Variants in IGFALS observed in about 807,000 individuals in gnomAD.
The protein encoded by IGFALS is insulin-like growth factor-binding protein complex acid labile subunit.
A neutral mutation model predicts 2.6 loss-of-function variants in IGFALS; 2 were observed. The ratio of observed to expected loss-of-function variants is 0.77; its 90% confidence interval spans 0.32 to 2.44. The LOEUF (loss-of-function observed/expected upper bound fraction) is 2.44, where lower values mean the gene tolerates loss of function less well. Ranked by LOEUF, IGFALS falls within the 30% of genes most tolerant of loss-of-function variation. The pLI is 0.11. For synonymous variants in IGFALS, 519 were observed against 431.9 expected (o/e 1.20, Z -2.50); for missense variants, 996 against 848.7 (o/e 1.17, Z -2.16).
At chr16:1,793,366 C>T (rs951772081) in intron 1 of IGFALS, among the ~76,000 whole-genome samples, 1 of 152,118 alleles carries the variant, frequency 6.6e-6, no homozygotes, top group African/African-American at 2.4e-5. Flanking sequence ...CTGAAGGGTC[C>T]GGCCTGCACC....
rs1404534998 is a variant in IGFALS at position 1,793,648 on chromosome 16, G to T, written c.5C>A (p.Ala2Asp). The change falls in exon 1 of 2, where the codon GCC becomes GAC. Residue 2 changes from alanine (A) to aspartate (D), a missense_variant. By Grantham distance (126) the Ala-to-Asp change is moderately radical (BLOSUM62 -2). Coordinates refer to ENST00000215539, the MANE Select transcript of IGFALS (RefSeq NM_004970.3). M[A>D]LRKGGLALAL... ...CTCGGGGGCCTCACCTTTCCTCAGG[G>T]CCATCCTGCATGCAGGGCAGGCTGC... The T allele has an allele frequency of 6.3e-7, 1 of 1,596,826 alleles. No homozygotes were observed. The highest frequency in any genetic ancestry group is 8.5e-7 in the Non-Finnish European group (1 of 1,171,670).
Position 1,791,882 on chromosome 16 carries a change from C to T in IGFALS, c.536G>A (p.Trp179Ter). ...ATCGGGGAGCACCGCCAGGCTATTC[C>T]AGCCGAGGTTGAGGTCCCAGAGGCT... ...LGSLWDLNLG[W>*]NSLAVLPDAA... Residue 179 changes from tryptophan (W) to a stop codon, truncating the protein, a stop_gained, in exon 2 of 2, where the codon TGG becomes TAG. Coordinates refer to ENST00000215539, the MANE Select transcript of IGFALS (RefSeq NM_004970.3). LOFTEE classifies it low-confidence loss of function (END_TRUNC). The T allele has an allele frequency of 6.4e-7, 1 of 1,564,968 alleles. No individual in the cohort carries two copies. The highest frequency in any genetic ancestry group is 8.7e-7 in the Non-Finnish European group (1 of 1,155,884).
At position 1,791,503 on chromosome 16, in the gene IGFALS, C is replaced by G. The variant is rs374863997; in HGVS notation, c.915G>C (p.Leu305=). The change falls in exon 2 of 2, where the codon CTG becomes CTC. Residue 305 remains leucine, a synonymous_variant. Coordinates refer to ENST00000215539, the MANE Select transcript of IGFALS (RefSeq NM_004970.3). Reference sequence around the variant, plus strand: ...GCAGGTCCTTGAAGGTGCGGGGCCGCAGGCTGGCGATGGCGTTGTGGGACA... The same window carrying G: ...GCAGGTCCTTGAAGGTGCGGGGCCGGAGGCTGGCGATGGCGTTGTGGGACA... ...LRLSHNAIAS[L]RPRTFKDLHF... 15 of 1,607,938 alleles carry G rather than the reference C, an allele frequency of 9.3e-6. No individual in the cohort carries two copies. In the African/African-American group the frequency reaches 1.7e-4, roughly 19 times the overall value.
Position 1,790,975 on chromosome 16 carries a change from C to T in IGFALS, c.1443G>A (p.Leu481=). ...AGACGTCCAGCCAGAAGGCCCGCTG[C>T]AGGGGGCCCAGGGCGTCCGCCGGCA... The part of the protein sequence containing the change: ...AELPADALGP[L]QRAFWLDVSH... The change falls in exon 2 of 2, where the codon CTG becomes CTA. Residue 481 remains leucine, a synonymous_variant. Coordinates refer to ENST00000215539, the MANE Select transcript of IGFALS (RefSeq NM_004970.3). The T allele has an allele frequency of 6.3e-7, 1 of 1,597,108 alleles. No homozygotes were observed.
chr16:1,791,749 C>T lies in IGFALS; in HGVS notation c.669G>A (p.Leu223=), dbSNP rs751008619. The stretch of plus-strand genomic sequence containing the variant: ...CCCGCAGCGCGTTCCTGCTCAGGTC[C>T]AGCTCCCGGAGCTCGGCCAGGCCGC... The part of the protein sequence containing the change: ...LFSGLAELRE[L]DLSRNALRAI... The change falls in exon 2 of 2, where the codon CTG becomes CTA. Residue 223 remains leucine, a synonymous_variant. Transcript: ENST00000215539. The T allele has an allele frequency of 6.4e-7, 1 of 1,551,528 alleles. No individual in the cohort carries two copies.
chr16:1,793,127 G>C (rs1487523065), intron 1 of IGFALS, among the ~76,000 whole-genome samples: 1 of 152,212 alleles, frequency 6.6e-6, no homozygotes, highest in Non-Finnish European at 1.5e-5. Context: ...AGAGAGTGTG[G>C]AATTGCTGGG....
upstream of IGFALS, among the ~76,000 whole-genome samples, chr16:1,794,620 C>A (rs1182608351): frequency 2.6e-5 from 4 of 152,202 alleles, no homozygotes; most frequent in Non-Finnish European, 5.9e-5. Flanking sequence ...ACTTCCCAAC[C>A]AGTCGCTCTC....
In IGFALS at chr16:1,792,357, C is replaced by T. The variant is rs1457157257; in HGVS notation, c.61G>A (p.Gly21Ser). 1.3e-6 allele frequency: 2 copies of T among 1,588,610 alleles called. No individual in the cohort carries two copies. Among genetic ancestry groups the T allele is most frequent in the Non-Finnish European group, 1.7e-6 (2 of 1,172,488 alleles). Residue 21 changes from glycine (G) to serine (S), a missense_variant, in exon 2 of 2, where the codon GGC becomes AGC. By Grantham distance (56) the Gly-to-Ser change is moderately conservative. Coordinates refer to ENST00000215539, the MANE Select transcript of IGFALS (RefSeq NM_004970.3). ...TCTGCTCCCTCCAGGCTGCGGGGGCCCAGTGCCACCCAGGACAGCAGCAGC... is the reference window on the plus strand; with the variant it reads ...TCTGCTCCCTCCAGGCTGCGGGGGCTCAGTGCCACCCAGGACAGCAGCAGC... ...ALLLLSWVAL[G>S]PRSLEGADPG...
At chr16:1,794,837 A>T, upstream of IGFALS, 1 of 702,130 alleles carries the variant, frequency 1.4e-6, no homozygotes, top group Non-Finnish European at 2.6e-6. Context: ...CTCCGGCCTC[A>T]CCTGGCAGGC....
rs1257395923 is a variant in IGFALS, at chr16:1,790,737, A to AG, written c.1680dup (p.Phe561LeufsTer7). On this transcript the variant is annotated frameshift_variant, in exon 2 of 2. Transcript: ENST00000215539. LOFTEE classifies it low-confidence loss of function (END_TRUNC). ...TCCCCCTCACAGATGGCCTGGACGA[A>AG]GCGGGGCACAGCACTGGGGTTCTGC... is the stretch of plus-strand genomic sequence containing the variant. 6.2e-7 allele frequency: 1 copy of AG among 1,604,988 alleles called. No homozygotes were observed. The highest frequency in any genetic ancestry group is 8.5e-7 in the Non-Finnish European group (1 of 1,176,756).
rs371186805 is a variant in IGFALS, at chr16:1,792,283, A to G, written c.135T>C (p.Cys45=). 1.3e-5 allele frequency: 20 copies of G among 1,599,808 alleles called. No individual in the cohort carries two copies. Among genetic ancestry groups the G allele is most frequent in the Admixed American group, 1.7e-5 (1 of 59,976 alleles). The change falls in exon 2 of 2, where the codon TGT becomes TGC. Residue 45 remains cysteine, a synonymous_variant. Coordinates refer to ENST00000215539, the MANE Select transcript of IGFALS (RefSeq NM_004970.3). ...EAEGPACPAA[C]VCSYDDDADE... ...CCGCGTCGTCATCGTAGCTGCAGACACAGGCGGCCGGGCACGCTGGGCCCT... is the reference window on the plus strand; with the variant it reads ...CCGCGTCGTCATCGTAGCTGCAGACGCAGGCGGCCGGGCACGCTGGGCCCT...
chr16:1,792,000 C>G lies in IGFALS; in HGVS notation c.418G>C (p.Gly140Arg). The G allele has an allele frequency of 6.2e-7, 1 of 1,608,694 alleles. No homozygotes were observed. Among genetic ancestry groups the G allele is most frequent in the Non-Finnish European group, 8.5e-7 (1 of 1,178,940 alleles). Residue 140 changes from glycine (G) to arginine (R), a missense_variant, in exon 2 of 2, where the codon GGC becomes CGC. Gly to Arg is a moderately radical substitution (Grantham distance 125, BLOSUM62 -2). Coordinates refer to ENST00000215539, the MANE Select transcript of IGFALS (RefSeq NM_004970.3). ...AGCGCGGGCGTGTGTGCAAACGTGC[C>G]GAGTGCCAGGCTGCGCAGCTGGTTC... ...ERNQLRSLAL[G>R]TFAHTPALAS...
intron 1 of IGFALS, 123 bp from the exon 2 acceptor site, chr16:1,792,524 C>CGAA (rs1567242510): frequency 1.4e-6 from 2 of 1,429,906 alleles, no homozygotes; most frequent in Admixed American, 5.7e-5. Context: ...CGCTGAGATG[C>CGAA]GAAGAAGCCG....
intron 1 of IGFALS, 90 bp downstream of exon 1, chr16:1,793,547 C>A (rs1203731166): frequency 1.5e-6 from 2 of 1,334,388 alleles, no homozygotes; most frequent in Admixed American, 2.1e-5. Flanking sequence ...CCAGAGCTTC[C>A]TTGGGGGCTA....
chr16:1,793,598 C>T, intron 1 of IGFALS, 39 bp downstream of exon 1: 2 of 1,584,464 alleles, frequency 1.3e-6, no homozygotes, highest in Non-Finnish European at 1.7e-6. Context: ...ACAGACTGGC[C>T]ACCCCTAGAG....
In IGFALS at chr16:1,793,655, T is replaced by C; in HGVS notation, c.-3A>G. The C allele has an allele frequency of 6.3e-7, 1 of 1,596,218 alleles. No homozygotes were observed. Among genetic ancestry groups the C allele is most frequent in the Non-Finnish European group, 8.5e-7 (1 of 1,171,328 alleles). On this transcript the variant is annotated 5_prime_UTR_variant, in exon 1 of 2. Coordinates refer to ENST00000215539, the MANE Select transcript of IGFALS (RefSeq NM_004970.3). ...GCCTCACCTTTCCTCAGGGCCATCC[T>C]GCATGCAGGGCAGGCTGCAGGCAGG...
In IGFALS at chr16:1,791,101, G is replaced by C. The variant is rs759604566; in HGVS notation, c.1317C>G (p.Leu439=). Residue 439 remains leucine, a synonymous_variant, in exon 2 of 2, where the codon CTC becomes CTG. Coordinates refer to ENST00000215539, the MANE Select transcript of IGFALS (RefSeq NM_004970.3). ...SLWGLAELLE[L]DLTSNQLTHL... is the part of the protein sequence containing the mutation. ...GCGTGAGCTGGTTGGAGGTCAGGTC[G>C]AGCTCCAGCAGCTCCGCCAGCCCCC... The C allele has an allele frequency of 6.2e-7, 1 of 1,600,714 alleles. No homozygotes were observed. Among genetic ancestry groups the C allele is most frequent in the Non-Finnish European group, 8.5e-7 (1 of 1,179,588 alleles).
At chr16:1,792,524 C>T (rs771689441) in intron 1 of IGFALS, 123 bp from the exon 2 acceptor site, 27 of 1,429,906 alleles carry the variant, frequency 1.9e-5, no homozygotes, top group South Asian at 1.2e-4. Context: ...CGCTGAGATG[C>T]GAAGAAGCCG....
chr16:1,791,412 C>T lies in IGFALS; in HGVS notation c.1006G>A (p.Gly336Ser). The T allele has an allele frequency of 8.1e-6, 13 of 1,611,706 alleles. No individual in the cohort carries two copies. Among genetic ancestry groups the T allele is most frequent in the Admixed American group, 1.7e-5 (1 of 60,022 alleles). ...GTGAGCACCTCAAGCTGCCCCAGGC[C>T]CTCAAAGCTGCGCTCAGCCAGCTGC... ...IRQLAERSFE[G>S]LGQLEVLTLD... The change falls in exon 2 of 2, where the codon GGC (glycine) becomes AGC (serine). Residue 336 changes from glycine (G) to serine (S), a missense_variant. Coordinates refer to ENST00000215539, the MANE Select transcript of IGFALS (RefSeq NM_004970.3).
Sources: allele counts gnomAD v4.1 joint callset (sites outside exome capture counted in the v4.1 genomes callset), GRCh38; gene constraint gnomAD v4.1.1; transcripts MANE v1.5; gene names NCBI Gene and HGNC (gene_info 2026-07-23, HGNC 2026-07-21).